LIMCH1: variants seen among roughly 807,000 people sequenced by gnomAD.
LIMCH1 encodes the protein LIM and calponin homology domains 1, also known as LIM and calponin homology domains-containing protein 1.
A neutral mutation model predicts 176.5 loss-of-function variants in LIMCH1; 113 were observed. That is an observed-to-expected ratio of 0.64 (90% CI 0.55 to 0.75). LIMCH1 has a LOEUF of 0.75. LIMCH1 is among the 30% of genes least tolerant of loss of function. The pLI, the probability that LIMCH1 is intolerant of heterozygous loss-of-function variation, is 0.00. For missense variants in LIMCH1, 1,674 were observed against 1,814.9 expected, an observed-to-expected ratio of 0.92 and a Z score of 1.41; for synonymous variants, 619 against 645.9, an observed-to-expected ratio of 0.96 and a Z score of 0.63.
At chr4:41,534,148 T>C (rs2077615537), upstream of LIMCH1, among the ~76,000 whole-genome samples, 1 of 152,154 alleles carries the variant, frequency 6.6e-6, no homozygotes, top group African/African-American at 2.4e-5. Flanking sequence ...AGGAGATAAG[T>C]AGTCCAAATG....
intron 1 of LIMCH1, among the ~76,000 whole-genome samples, chr4:41,477,406 C>G (rs577717166): frequency 2.6e-5 from 4 of 152,246 alleles, no homozygotes; most frequent in Non-Finnish European, 4.4e-5. Context: ...GGTGTTCCCC[C>G]CACCATGACA....
In LIMCH1 at chr4:41,419,561, CCCTTCCTTCCTT is replaced by C. The variant is rs536061729; in HGVS notation, c.96+58656_96+58667del. Among the ~76,000 whole-genome samples the C allele has an allele frequency of 2.3e-4, 27 of 116,332 alleles. No individual in the cohort carries two copies. The South Asian group carries it at 2.7e-3, about 11-fold the overall frequency. 76.3% of individuals were successfully genotyped at this position (116,332 alleles called of 152,430 possible). On this transcript the variant is annotated intron_variant, in intron 1 of 26. Coordinates refer to the LIMCH1 transcript ENST00000313860. ...GCCTACATTTTCTTCCTTTCCTTTCCCCTTCCTTCCTTCCTTCCTTCCTTCCTTCCTTCCTTC... is the reference window on the plus strand; with the variant it reads ...GCCTACATTTTCTTCCTTTCCTTTCCCCTTCCTTCCTTCCTTCCTTCCTTC...
intron 1 of LIMCH1, among the ~76,000 whole-genome samples, chr4:41,581,204 G>C (rs2085370976): frequency 6.6e-6 from 1 of 151,880 alleles, no homozygotes. Context: ...AATAAAATTT[G>C]TATGTATTTA....
At chr4:41,399,994 CTT>C (rs986329973) in intron 1 of LIMCH1, among the ~76,000 whole-genome samples, 1 of 149,956 alleles carries the variant, frequency 6.7e-6, no homozygotes, top group African/African-American at 2.5e-5. Flanking sequence ...GGTGGATACT[CTT>C]TTCATTTCCA....
exon 2 of LIMCH1, chr4:41,494,572 C>T (rs149800400): frequency 1.3e-5 from 21 of 1,612,606 alleles, no homozygotes; most frequent in Admixed American, 5.0e-5. Flanking sequence ...TAAAGATTTT[C>T]GGACAGGTTT....
chr4:41,550,072 G>C (rs1240444694), intron 1 of LIMCH1, among the ~76,000 whole-genome samples: 1 of 151,454 alleles, frequency 6.6e-6, no homozygotes, highest in African/African-American at 2.4e-5. Flanking sequence ...ATAAAACTTG[G>C]CCATGTACCC....
At chr4:41,568,258 G>GA (rs1339477690) in intron 1 of LIMCH1, among the ~76,000 whole-genome samples, 1 of 152,210 alleles carries the variant, frequency 6.6e-6, no homozygotes, top group Non-Finnish European at 1.5e-5. Context: ...AATTGATAGT[G>GA]AAATTACAGA....
At chr4:41,439,074 G>T (rs1456134568) in intron 1 of LIMCH1, among the ~76,000 whole-genome samples, 1 of 152,204 alleles carries the variant, frequency 6.6e-6, no homozygotes, top group Non-Finnish European at 1.5e-5. Context: ...GCTAGGAATA[G>T]AATATGTGGA....
At chr4:41,564,239 G>A (rs2082423208) in intron 1 of LIMCH1, among the ~76,000 whole-genome samples, 1 of 152,126 alleles carries the variant, frequency 6.6e-6, no homozygotes, top group Admixed American at 6.6e-5. Context: ...TGCCCAAGGT[G>A]GTAGACCTGG....
At chr4:41,527,837 A>C (rs1283876648) in intron 3 of LIMCH1, among the ~76,000 whole-genome samples, 17 of 150,972 alleles carry the variant, frequency 1.1e-4, no homozygotes, top group East Asian at 5.8e-4. Flanking sequence ...AAAAAAAAAA[A>C]AAAAAAAAAA....
intron 2 of LIMCH1, among the ~76,000 whole-genome samples, chr4:41,511,437 T>G (rs2074913861): frequency 6.6e-6 from 1 of 152,244 alleles, no homozygotes; most frequent in Admixed American, 6.5e-5. Flanking sequence ...GAAGTGGAGA[T>G]GACAACCCTG....
rs144373148 is a variant in LIMCH1, at chr4:41,659,230, T to C, written c.3037-2190T>C. Reference sequence around the variant, plus strand: ...CTTGCAGGGATTCAAGTCAGACTTATTGATATATTAAAATATTACAAAATC... The same window carrying C: ...CTTGCAGGGATTCAAGTCAGACTTACTGATATATTAAAATATTACAAAATC... On this transcript the variant is annotated intron_variant, in intron 18 of 31. Transcript: ENST00000503057. 1.6e-3 allele frequency among the ~76,000 whole-genome samples: 237 copies of C among 152,306 alleles called. 3 individuals carry two copies. Among genetic ancestry groups the C allele is most frequent in the Admixed American group, 0.015 (222 of 15,304 alleles).
intron 9 of LIMCH1, 84 bp downstream of exon 9, chr4:41,629,818 T>TTA: frequency 1.4e-6 from 2 of 1,409,740 alleles, no homozygotes; most frequent in African/African-American, 2.9e-5. Context: ...TTTGTGTCTT[T>TTA]TTTTTTTTTG....
chr4:41,502,668 C>T (rs1199955248), intron 2 of LIMCH1, among the ~76,000 whole-genome samples: 1 of 152,106 alleles, frequency 6.6e-6, no homozygotes, highest in Non-Finnish European at 1.5e-5. Flanking sequence ...TGATGTTGAG[C>T]TTTTTTTCAT....
chr4:41,676,531 G>T, intron 23 of LIMCH1, 69 bp downstream of exon 23: 1 of 1,104,520 alleles, frequency 9.1e-7, no homozygotes, highest in Non-Finnish European at 1.4e-6. Context: ...GCATTAAATA[G>T]ACTTTTAGCA....
intron 1 of LIMCH1, among the ~76,000 whole-genome samples, chr4:41,465,148 A>T (rs1458852218): frequency 6.6e-6 from 1 of 152,176 alleles, no homozygotes; most frequent in East Asian, 1.9e-4. Flanking sequence ...CATTTCCAGC[A>T]GTCTTTCTCC....
chr4:41,567,575 T>C (rs981916398), intron 1 of LIMCH1, among the ~76,000 whole-genome samples: 1 of 152,202 alleles, frequency 6.6e-6, no homozygotes, highest in African/African-American at 2.4e-5. Context: ...TTAGGTGCTA[T>C]ACTTGAATTA....
At chr4:41,496,765 G>C (rs2072229072) in intron 2 of LIMCH1, among the ~76,000 whole-genome samples, 1 of 152,192 alleles carries the variant, frequency 6.6e-6, no homozygotes. Flanking sequence ...GAAAATGTGG[G>C]ATCGTTTGAT....
chr4:41,569,520 G>C (rs539552338), intron 1 of LIMCH1, among the ~76,000 whole-genome samples: 1 of 152,246 alleles, frequency 6.6e-6, no homozygotes, highest in East Asian at 1.9e-4. Context: ...ACTTGGAAAC[G>C]CGAAGTAAAA....
Sources: gnomAD v4.1 joint callset for allele counts (sites outside exome capture counted in the v4.1 genomes callset) on GRCh38, gnomAD v4.1.1 for gene constraint, MANE v1.5 for transcripts, NCBI Gene and HGNC (gene_info 2026-07-23, HGNC 2026-07-21) for gene names.